The following RBM19 variants were observed in gnomAD, a reference collection of about 807,000 sequenced individuals.
RBM19 encodes the protein RNA binding motif protein 19.
Under a neutral mutation model 116.8 loss-of-function variants are expected in RBM19, and 94 were observed. That is an observed-to-expected ratio of 0.80 (90% CI 0.68 to 0.95). The LOEUF is 0.95. Ranked by LOEUF, RBM19 falls within the 40% of genes least tolerant of loss-of-function variation. The probability of loss-of-function intolerance (pLI) is 0.00; values close to 1 mark genes in which losing one functional copy is unlikely to be tolerated. For synonymous variants in RBM19, 475 were observed against 494.1 expected (o/e 0.96, Z 0.51); for missense variants, 1,161 against 1,220.7 (o/e 0.95, Z 0.73).
intron 21 of RBM19, among the ~76,000 whole-genome samples, chr12:113,887,583 C>T (rs1290441676): frequency 6.5e-5 from 8 of 122,176 alleles, no homozygotes; most frequent in South Asian, 2.8e-4. Context: ...TGCAGTGAGC[C>T]GAGATCGCAC....
At chr12:113,823,406 G>A in intron 23 of RBM19, 85 bp from the exon 24 acceptor site, 1 of 1,147,690 alleles carries the variant, frequency 8.7e-7, no homozygotes, top group Non-Finnish European at 1.3e-6. Context: ...AGAGGAAGGA[G>A]GGAGAGGGGA....
intron 14 of RBM19, among the ~76,000 whole-genome samples, 184 bp from the exon 15 acceptor site, chr12:113,940,344 A>T (rs1846433831): frequency 6.6e-6 from 1 of 152,234 alleles, no homozygotes; most frequent in Non-Finnish European, 1.5e-5. Flanking sequence ...CAAGGCTGCA[A>T]GGCAGCTCTG....
intron 21 of RBM19, among the ~76,000 whole-genome samples, chr12:113,871,818 G>A (rs1030676428): frequency 3.3e-5 from 5 of 151,578 alleles, no homozygotes; most frequent in African/African-American, 7.2e-5. Context: ...TTGCCGCCGC[G>A]CCGGCGAGCG....
At chr12:113,841,964 A>T (rs1204184837) in intron 23 of RBM19, among the ~76,000 whole-genome samples, 1 of 152,236 alleles carries the variant, frequency 6.6e-6, no homozygotes, top group South Asian at 2.1e-4. Context: ...AAATTACTGC[A>T]GTGCTTGGCA....
At chr12:113,856,308 C>T (rs1877897632) in intron 22 of RBM19, among the ~76,000 whole-genome samples, 1 of 152,214 alleles carries the variant, frequency 6.6e-6, no homozygotes. Flanking sequence ...CAAGTGCGAG[C>T]CACCTGGGCA....
intron 15 of RBM19, 101 bp downstream of exon 15, chr12:113,939,859 A>G: frequency 7.7e-7 from 1 of 1,299,924 alleles, no homozygotes; most frequent in Non-Finnish European, 1.1e-6. Context: ...GTGAGCTCCC[A>G]TGTGCCACAT....
At chr12:113,842,420 C>T (rs1005420375) in intron 23 of RBM19, among the ~76,000 whole-genome samples, 6 of 152,238 alleles carry the variant, frequency 3.9e-5, no homozygotes, top group South Asian at 2.1e-4. Context: ...TCTTTCTGCA[C>T]ATCAGGATTT....
At chr12:113,942,571 C>A in intron 13 of RBM19, 137 bp from the exon 14 acceptor site, 1 of 614,692 alleles carries the variant, frequency 1.6e-6, no homozygotes. Flanking sequence ...CTACATTGAT[C>A]AGATGCCCCC....
Position 113,927,228 on chromosome 12 carries a change from C to CGAA in RBM19, c.2069_2070insTTC (p.Val690_Pro691insSer). The CGAA allele has an allele frequency of 6.4e-7, 1 of 1,553,044 alleles. No individual in the cohort carries two copies. Among genetic ancestry groups the CGAA allele is most frequent in the Middle Eastern group, 1.7e-4 (1 of 5,974 alleles). On this transcript the variant is annotated inframe_insertion and splice_region_variant, in exon 17 of 24. Coordinates refer to ENST00000261741, the MANE Select transcript of RBM19 (RefSeq NM_016196.4). ...CATCTTCTGGGGTTTCGCCATCAGGCACTGAACCCCCATCAAAACAAAAAC... is the reference window on the plus strand; with the variant it reads ...CATCTTCTGGGGTTTCGCCATCAGGCGAAACTGAACCCCCATCAAAACAAAAAC...
chr12:113,830,173 T>C (rs986800841), intron 23 of RBM19, among the ~76,000 whole-genome samples: 1 of 152,018 alleles, frequency 6.6e-6, no homozygotes, highest in African/African-American at 2.4e-5. Flanking sequence ...CTCCCTAGGA[T>C]GGGGGTCTCA....
At chr12:113,832,362 G>A (rs917326861) in intron 23 of RBM19, among the ~76,000 whole-genome samples, 1 of 152,036 alleles carries the variant, frequency 6.6e-6, no homozygotes, top group African/African-American at 2.4e-5. Context: ...GCTAATTTTT[G>A]TATTTTTAGA....
chr12:113,872,467 C>T (rs1166786931), intron 21 of RBM19, among the ~76,000 whole-genome samples: 1 of 142,386 alleles, frequency 7.0e-6, no homozygotes, highest in Non-Finnish European at 1.6e-5. Flanking sequence ...GCCGCCCCTA[C>T]TGGGAGGTGG....
At chr12:113,851,195 C>T (rs1050856853) in intron 22 of RBM19, among the ~76,000 whole-genome samples, 2 of 152,152 alleles carry the variant, frequency 1.3e-5, no homozygotes, top group African/African-American at 4.8e-5. Context: ...GAAATGACAC[C>T]ATGGAGCTGA....
At chr12:113,891,977 C>A (rs1054213927) in intron 21 of RBM19, among the ~76,000 whole-genome samples, 2 of 152,158 alleles carry the variant, frequency 1.3e-5, no homozygotes, top group Non-Finnish European at 2.9e-5. Context: ...TATGTGACAA[C>A]GCACATCCTG....
Position 113,823,265 on chromosome 12 carries a change from C to A in RBM19, c.2842G>T (p.Gly948Cys), listed in dbSNP as rs1045262409. The A allele has an allele frequency of 6.2e-7, 1 of 1,612,996 alleles. No individual in the cohort carries two copies. The highest frequency in any genetic ancestry group is 8.5e-7 in the Non-Finnish European group (1 of 1,180,040). ...TGCTCCTCGCTGTCGCTGTCACTGCCTTCCAGCTGCTCCAGGATCTCGTCC... is the reference window on the plus strand; with the variant it reads ...TGCTCCTCGCTGTCGCTGTCACTGCATTCCAGCTGCTCCAGGATCTCGTCC... ...VLDEILEQLE[G>C]SDSDSEEQTL... The change falls in exon 24 of 24, where the codon GGC becomes TGC. Residue 948 changes from glycine to cysteine, a missense_variant. Gly to Cys is a radical substitution (Grantham distance 159). Coordinates refer to ENST00000261741, the MANE Select transcript of RBM19 (RefSeq NM_016196.4).
chr12:113,959,219 G>C lies in RBM19; in HGVS notation c.564C>G (p.Asp188Glu), dbSNP rs777116966. ...QESEEEGAGE[D>E]LEEEASLEPK... The stretch of plus-strand genomic sequence containing the variant: ...CAGTCCCCATGCCCTCACCTTCCAG[G>C]TCCTCCCCGGCTCCCTCCTCCTCAC... Residue 188 changes from aspartate (D) to glutamate (E), a missense_variant, in exon 5 of 24, where the codon GAC becomes GAG. Asp to Glu is a conservative substitution (Grantham distance 45). Transcript: ENST00000261741. 11 of 1,610,114 alleles carry C rather than the reference G, an allele frequency of 6.8e-6. No homozygotes were observed. The highest frequency in any genetic ancestry group is 9.3e-6 in the Non-Finnish European group (11 of 1,178,182).
chr12:113,875,639 T>C (rs1215610826), intron 21 of RBM19, among the ~76,000 whole-genome samples: 2 of 152,060 alleles, frequency 1.3e-5, no homozygotes, highest in African/African-American at 4.8e-5. Context: ...TAGGACCAGA[T>C]AGGATTTGGG....
chr12:113,927,016 T>A (rs776620002), intron 17 of RBM19, 38 bp downstream of exon 17: 9 of 1,592,996 alleles, frequency 5.6e-6, no homozygotes, highest in Admixed American at 3.4e-5. Context: ...GGGTTTCCCA[T>A]CCCACGCCCC....
chr12:113,899,353 GC>G (rs1881536592), intron 21 of RBM19, among the ~76,000 whole-genome samples: 1 of 152,194 alleles, frequency 6.6e-6, no homozygotes. Context: ...GCAACCCTAA[GC>G]CAGGAGTGAT....
Sources: gnomAD v4.1 joint callset for allele counts (sites outside exome capture counted in the v4.1 genomes callset) on GRCh38, gnomAD v4.1.1 for gene constraint, MANE v1.5 for transcripts, NCBI Gene and HGNC (gene_info 2026-07-23, HGNC 2026-07-21) for gene names.